The following OSBP2 variants were observed in gnomAD, a reference collection of about 807,000 sequenced individuals.
OSBP2 encodes the protein oxysterol-binding protein 2.
In OSBP2, 66 loss-of-function variants were observed where a neutral mutation model predicts 96.0. The ratio of observed to expected loss-of-function variants is 0.69; its 90% CI spans 0.56 to 0.84. The LOEUF is 0.84. Ranked by LOEUF, OSBP2 falls within the 40% of genes least tolerant of loss-of-function variation. OSBP2 has a pLI of 0.00. For synonymous variants in OSBP2, 525 were observed against 520.9 expected (o/e 1.01, Z -0.11); for missense variants, 1,038 against 1,222.7 (o/e 0.85, Z 2.25).
In OSBP2 at chr22:30,730,808, A is replaced by ATATATATAT. The variant is rs1491303061; in HGVS notation, c.645-10353_645-10352insTATATATAT. ...TATATATATATATATATATATATAT[A>ATATATATAT]ATTTTTTTTTTTTTTCCCATGGACA... On this transcript the variant is annotated intron_variant, in intron 1 of 13. Coordinates refer to ENST00000332585, the MANE Select transcript of OSBP2 (RefSeq NM_030758.4). 1.5e-3 allele frequency among the ~76,000 whole-genome samples: 57 copies of ATATATATAT among 39,274 alleles called. 2 individuals are homozygous for ATATATATAT. The highest frequency in any genetic ancestry group is 2.0e-3 in the Non-Finnish European group (45 of 22,878). The allele number at this position is 39,274 out of a possible 152,430, so 25.8% of individuals were successfully genotyped here. A position where few individuals can be genotyped will look rare whatever the true frequency, so the allele number is the denominator to read the frequency against.
chr22:30,694,281 G>A (rs1229891412), upstream of OSBP2: 1 of 1,549,678 alleles, frequency 6.5e-7, no homozygotes, highest in Non-Finnish European at 8.7e-7. Flanking sequence ...TCAGGAGGTG[G>A]AGGCGGTGAG....
chr22:30,827,473 T>TA (rs1223453151), intron 2 of OSBP2, among the ~76,000 whole-genome samples: 1 of 152,208 alleles, frequency 6.6e-6, no homozygotes, highest in Non-Finnish European at 1.5e-5. Flanking sequence ...GTAATACGTA[T>TA]GGAAGCCCCT....
chr22:30,803,560 G>A (rs2090884522), intron 2 of OSBP2, among the ~76,000 whole-genome samples: 1 of 152,216 alleles, frequency 6.6e-6, no homozygotes, highest in South Asian at 2.1e-4. Flanking sequence ...CTAGCCACTG[G>A]AATTCAGCCC....
chr22:30,697,206 A>G (rs2089058365), intron 1 of OSBP2, among the ~76,000 whole-genome samples: 1 of 152,260 alleles, frequency 6.6e-6, no homozygotes, highest in South Asian at 2.1e-4. Context: ...AGTGGCAGAA[A>G]TGCCTGGTTT....
At chr22:30,699,473 A>G (rs2089121922) in intron 1 of OSBP2, among the ~76,000 whole-genome samples, 1 of 152,194 alleles carries the variant, frequency 6.6e-6, no homozygotes, top group African/African-American at 2.4e-5. Flanking sequence ...CATCTTACGT[A>G]ATGCCAAACT....
intron 2 of OSBP2, among the ~76,000 whole-genome samples, chr22:30,854,003 C>T (rs1044023476): frequency 6.6e-6 from 1 of 152,144 alleles, no homozygotes; most frequent in Non-Finnish European, 1.5e-5. Context: ...TCATCATCCG[C>T]CCACCTCGGC....
At chr22:30,829,947 G>A (rs1440084479) in intron 2 of OSBP2, among the ~76,000 whole-genome samples, 1 of 152,202 alleles carries the variant, frequency 6.6e-6, no homozygotes, top group Non-Finnish European at 1.5e-5. Context: ...GCAGGGCTTG[G>A]GAGACTTCAG....
At chr22:30,880,559 A>G (rs2039681619) in intron 3 of OSBP2, among the ~76,000 whole-genome samples, 2 of 152,126 alleles carry the variant, frequency 1.3e-5, no homozygotes, top group African/African-American at 4.8e-5. Flanking sequence ...CCTCCCTCAC[A>G]TCCCTGTCTA....
intron 3 of OSBP2, among the ~76,000 whole-genome samples, chr22:30,879,512 A>C (rs1188242386): frequency 6.6e-6 from 1 of 152,218 alleles, no homozygotes; most frequent in Non-Finnish European, 1.5e-5. Flanking sequence ...CCTGTGTGCT[A>C]CCAGCCTGGG....
intron 1 of OSBP2, among the ~76,000 whole-genome samples, chr22:30,704,106 C>T (rs1431095038): frequency 1.3e-5 from 2 of 152,170 alleles, no homozygotes; most frequent in African/African-American, 4.8e-5. Context: ...CTGTGGGGTC[C>T]TGGGTTGGAG....
chr22:30,877,704 G>C (rs1280596034), intron 3 of OSBP2, among the ~76,000 whole-genome samples: 1 of 152,238 alleles, frequency 6.6e-6, no homozygotes, highest in Non-Finnish European at 1.5e-5. Flanking sequence ...CTTCTTAGCA[G>C]CCTGTGGGCT....
At position 30,885,764 on chromosome 22, in the gene OSBP2, G is replaced by A. The variant is rs910593474; in HGVS notation, c.1108-1662G>A. On this transcript the variant is annotated intron_variant, in intron 3 of 13. Transcript: ENST00000332585. Reference sequence around the variant, plus strand: ...GAATGCTCGGGCCCTACCATAATGAGCAACAGCAGCCACCTCAGCTCCAGG... The same window carrying A: ...GAATGCTCGGGCCCTACCATAATGAACAACAGCAGCCACCTCAGCTCCAGG... Among the ~76,000 whole-genome samples the A allele has an allele frequency of 2.6e-5, 4 of 152,246 alleles. No homozygotes were observed. In the East Asian group the frequency reaches 7.7e-4, roughly 29 times the overall value.
intron 3 of OSBP2, among the ~76,000 whole-genome samples, chr22:30,884,389 G>A (rs771162595): frequency 5.9e-5 from 9 of 152,154 alleles, no homozygotes; most frequent in Middle Eastern, 3.2e-3. Flanking sequence ...GAGAGGATGT[G>A]GGCTCAGAGG....
intron 2 of OSBP2, among the ~76,000 whole-genome samples, chr22:30,856,373 CT>C (rs56875088): frequency 4.7e-4 from 48 of 101,420 alleles, no homozygotes; most frequent in Middle Eastern, 5.6e-3. Context: ...CAGAGCCCTT[CT>C]TTTTTTTTTT....
chr22:30,874,430 A>G (rs117496380), intron 3 of OSBP2, among the ~76,000 whole-genome samples: 4,545 of 152,278 alleles, frequency 0.03, 94 homozygotes, highest in Middle Eastern at 0.092. Context: ...GAAAAAAGAA[A>G]AAAAGAAAAG....
intron 2 of OSBP2, among the ~76,000 whole-genome samples, chr22:30,804,488 T>A (rs1165044298): frequency 6.6e-6 from 1 of 152,024 alleles, no homozygotes. Flanking sequence ...GGAAGATATG[T>A]GAGATGATGT....
chr22:30,860,557 G>T (rs1358255175), intron 2 of OSBP2, among the ~76,000 whole-genome samples: 4 of 152,244 alleles, frequency 2.6e-5, no homozygotes, highest in Non-Finnish European at 5.9e-5. Context: ...GGCCCAGCTG[G>T]CATGGGGTCT....
intron 1 of OSBP2, among the ~76,000 whole-genome samples, chr22:30,734,075 A>G (rs1422529900): frequency 6.6e-6 from 1 of 151,696 alleles, no homozygotes; most frequent in Non-Finnish European, 1.5e-5. Flanking sequence ...CTTGGGTTCA[A>G]ACGACTCTCC....
intron 2 of OSBP2, among the ~76,000 whole-genome samples, chr22:30,850,688 A>G (rs2038963281): frequency 6.6e-6 from 1 of 152,152 alleles, no homozygotes; most frequent in Non-Finnish European, 1.5e-5. Context: ...TAATAGAGGC[A>G]GGGTTTCACC....
Sources: allele counts gnomAD v4.1 joint callset (sites outside exome capture counted in the v4.1 genomes callset), GRCh38; gene constraint gnomAD v4.1.1; transcripts MANE v1.5; gene names NCBI Gene and HGNC (gene_info 2026-07-23, HGNC 2026-07-21).